The following CHD6 variants were observed in gnomAD, a reference collection of about 807,000 sequenced individuals.
The protein encoded by CHD6 is ATP-dependent chromatin remodeler CHD6.
CHD6 carries 50 observed loss-of-function variants against 276.9 expected under a neutral mutation model. The observed-to-expected ratio is 0.18, with a 90% confidence interval of 0.14 to 0.23. CHD6 has a LOEUF of 0.23. Among genes scored for constraint, CHD6 ranks in the 10% least tolerant of loss-of-function variants. The pLI, the probability that CHD6 is intolerant of heterozygous loss-of-function variation, is 1.00. For missense variants in CHD6, 2,564 were observed against 3,365.8 expected, an observed-to-expected ratio of 0.76 and a Z score of 5.89; for synonymous variants, 1,173 against 1,229.3, an observed-to-expected ratio of 0.95 and a Z score of 0.96.
At chr20:41,440,321 G>A (rs972890165) in intron 25 of CHD6, among the ~76,000 whole-genome samples, 192 bp from the exon 26 acceptor site, 1 of 152,230 alleles carries the variant, frequency 6.6e-6, no homozygotes, top group Non-Finnish European at 1.5e-5. Flanking sequence ...CCTTTGAGTA[G>A]TGTTTGACCA....
At chr20:41,460,445 GA>G (rs2048508855) in intron 17 of CHD6, among the ~76,000 whole-genome samples, 1 of 152,168 alleles carries the variant, frequency 6.6e-6, no homozygotes, top group South Asian at 2.1e-4. Flanking sequence ...GGCCTAGGAG[GA>G]AAAAGTGGTT....
At position 41,533,079 on chromosome 20, in the gene CHD6, A is replaced by T. The variant is rs1568682170; in HGVS notation, c.525T>A (p.Ser175=). The part of the protein sequence containing the change: ...EAKEKRSCTD[S]AARTKSRKAS... ...CCTTCCTGGACTTCGTCCTGGCTGCAGAGTCAGTGCAGCTCCTCTTCTCTT... is the reference window on the plus strand; with the variant it reads ...CCTTCCTGGACTTCGTCCTGGCTGCTGAGTCAGTGCAGCTCCTCTTCTCTT... Residue 175 remains serine, a synonymous_variant, in exon 3 of 37, where the codon TCT becomes TCA. Coordinates refer to ENST00000373233, the MANE Select transcript of CHD6 (RefSeq NM_032221.5). The T allele has an allele frequency of 6.2e-7, 1 of 1,603,666 alleles. No individual in the cohort carries two copies. The highest frequency in any genetic ancestry group is 1.8e-5 in the Admixed American group (1 of 56,964).
At chr20:41,558,745 A>C (rs2045268049) in intron 1 of CHD6, among the ~76,000 whole-genome samples, 1 of 151,684 alleles carries the variant, frequency 6.6e-6, no homozygotes, top group Admixed American at 6.6e-5. Context: ...TCTCTTGATT[A>C]CCTCCCAGTT....
intron 1 of CHD6, among the ~76,000 whole-genome samples, chr20:41,599,943 A>G (rs1459356218): frequency 1.3e-5 from 2 of 152,230 alleles, no homozygotes; most frequent in East Asian, 3.8e-4. Context: ...AAGGACACAG[A>G]AACAGGAACT....
At chr20:41,469,398 A>AT (rs1251467066) in intron 17 of CHD6, among the ~76,000 whole-genome samples, 1 of 152,196 alleles carries the variant, frequency 6.6e-6, no homozygotes, top group Non-Finnish European at 1.5e-5. Flanking sequence ...TCACAGAACA[A>AT]TGGAAGAGGA....
intron 7 of CHD6, chr20:41,497,867 G>T (rs2043726278): frequency 2.3e-6 from 1 of 435,798 alleles, no homozygotes; most frequent in South Asian, 2.9e-5. Context: ...CTCTACCCTG[G>T]TTGCATATGA....
chr20:41,437,346 T>C lies in CHD6; in HGVS notation c.4008-12A>G. Reference sequence around the variant, plus strand: ...TATCTGTGTTGCCTCTAAATAAAAGTAAAAAAAGGCATCACATACTACCTA... The same window carrying C: ...TATCTGTGTTGCCTCTAAATAAAAGCAAAAAAAGGCATCACATACTACCTA... On this transcript the variant is annotated splice_polypyrimidine_tract_variant and intron_variant, in intron 26 of 36. Transcript: ENST00000373233. The C allele has an allele frequency of 3.1e-6, 5 of 1,604,306 alleles. No individual in the cohort carries two copies. Among genetic ancestry groups the C allele is most frequent in the Middle Eastern group, 1.7e-4 (1 of 6,024 alleles).
At chr20:41,589,479 A>G (rs1433891413) in intron 1 of CHD6, among the ~76,000 whole-genome samples, 2 of 152,232 alleles carry the variant, frequency 1.3e-5, no homozygotes, top group Admixed American at 6.5e-5. Flanking sequence ...CCATCATCTC[A>G]GTCCAAAATC....
intron 5 of CHD6, among the ~76,000 whole-genome samples, chr20:41,510,136 C>G (rs2044081776): frequency 6.6e-6 from 1 of 152,098 alleles, no homozygotes; most frequent in Non-Finnish European, 1.5e-5. Context: ...CCCAGAGGGC[C>G]CCGGGAGAAG....
At chr20:41,419,443 G>A (rs954072045) in intron 31 of CHD6, among the ~76,000 whole-genome samples, 6 of 150,858 alleles carry the variant, frequency 4.0e-5, no homozygotes, top group Admixed American at 2.6e-4. Context: ...AGACGTGGTG[G>A]CACACACCTG....
intron 27 of CHD6, among the ~76,000 whole-genome samples, chr20:41,432,214 G>C (rs2047567537): frequency 6.7e-6 from 1 of 150,136 alleles, no homozygotes; most frequent in East Asian, 2.0e-4. Flanking sequence ...TCTAGTTAAG[G>C]ACTAGGAAGA....
chr20:41,413,847 G>C, intron 34 of CHD6: 1 of 197,140 alleles, frequency 5.1e-6, no homozygotes, highest in East Asian at 1.2e-4. Flanking sequence ...TCCAGCTCCT[G>C]TCCCCACAGC....
intron 17 of CHD6, among the ~76,000 whole-genome samples, chr20:41,459,191 T>C (rs1332890469): frequency 6.6e-6 from 1 of 152,090 alleles, no homozygotes; most frequent in African/African-American, 2.4e-5. Flanking sequence ...CCTGCCCACA[T>C]TCTTCCCCTA....
intron 1 of CHD6, among the ~76,000 whole-genome samples, chr20:41,610,323 T>G (rs917806324): frequency 2.6e-5 from 4 of 152,154 alleles, no homozygotes; most frequent in Non-Finnish European, 4.4e-5. Context: ...AGACGGAGAA[T>G]ATGCAACCCC....
At chr20:41,438,797 T>C (rs978980397) in intron 26 of CHD6, among the ~76,000 whole-genome samples, 2 of 152,186 alleles carry the variant, frequency 1.3e-5, no homozygotes, top group African/African-American at 4.8e-5. Flanking sequence ...TGAATGAACA[T>C]GAGAATCACC....
chr20:41,538,445 C>G (rs1354586885), intron 2 of CHD6, among the ~76,000 whole-genome samples: 2 of 152,106 alleles, frequency 1.3e-5, no homozygotes, highest in African/African-American at 4.8e-5. Context: ...TGAAATCAGC[C>G]AGACACAAAA....
In CHD6 at chr20:41,403,979, G is replaced by T; in HGVS notation, c.*614C>A. ...TGCAGGTGTCTGAAAAACCACCAAG[G>T]GGGAAATTATATTACTACCGGTAAG... On this transcript the variant is annotated 3_prime_UTR_variant, in exon 37 of 37. Coordinates refer to ENST00000373233, the MANE Select transcript of CHD6 (RefSeq NM_032221.5). 4 of 1,054,064 alleles carry T rather than the reference G, an allele frequency of 3.8e-6. No homozygotes were observed. Among genetic ancestry groups the T allele is most frequent in the Non-Finnish European group, 4.6e-6 (4 of 872,452 alleles). 65.3% of individuals were successfully genotyped at this position (1,054,064 alleles called of 1,614,324 possible).
intron 1 of CHD6, among the ~76,000 whole-genome samples, chr20:41,616,729 T>C (rs1309170274): frequency 1.3e-5 from 2 of 152,212 alleles, no homozygotes; most frequent in African/African-American, 4.8e-5. Flanking sequence ...GCATAAATCA[T>C]GTTACTTGAG....
Position 41,555,307 on chromosome 20 carries a change from G to A in CHD6, c.-23-3947C>T, listed in dbSNP as rs1338919829. 2.9e-4 allele frequency among the ~76,000 whole-genome samples: 41 copies of A among 140,562 alleles called. 2 individuals carry two copies. The highest frequency in any genetic ancestry group is 9.2e-4 in the African/African-American group (35 of 37,962). The allele number at this position is 140,562 out of a possible 152,430, so 92.2% of individuals were successfully genotyped here. ...GGGCTCCTCACCTCCCAGTAGGGGC[G>A]GCCGGGCAGAGGCGCCCCTCACCTC... On this transcript the variant is annotated intron_variant, in intron 1 of 36. Transcript: ENST00000373233.
Sources: gnomAD v4.1 joint callset for allele counts (sites outside exome capture counted in the v4.1 genomes callset) on GRCh38, gnomAD v4.1.1 for gene constraint, MANE v1.5 for transcripts, NCBI Gene and HGNC (gene_info 2026-07-23, HGNC 2026-07-21) for gene names.